Variants in GRIN2D observed in about 807,000 individuals in gnomAD.
The protein encoded by GRIN2D is glutamate receptor ionotropic, NMDA 2D.
In GRIN2D, 37 loss-of-function variants were observed where a neutral mutation model predicts 103.2. That is an observed-to-expected ratio of 0.36 (90% CI 0.28 to 0.47). The LOEUF is 0.47. Among genes scored for constraint, GRIN2D ranks in the 20% least tolerant of loss-of-function variants. The probability of loss-of-function intolerance (pLI) is 1.00; values close to 1 mark genes in which losing one functional copy is unlikely to be tolerated. For synonymous variants in GRIN2D, 845 were observed against 885.6 expected (o/e 0.95, Z 0.81); for missense variants, 1,557 against 1,910.6 (o/e 0.81, Z 3.45).
intron 11 of GRIN2D, among the ~76,000 whole-genome samples, chr19:48,438,183 T>C (rs773736638): frequency 1.1e-4 from 16 of 151,322 alleles, no homozygotes; most frequent in Admixed American, 3.3e-4. Context: ...TTTGGGGACA[T>C]AGGAGGACTT....
At chr19:48,434,649 G>A (rs751224431) in intron 11 of GRIN2D, among the ~76,000 whole-genome samples, 6 of 151,630 alleles carry the variant, frequency 4.0e-5, no homozygotes, top group Admixed American at 6.6e-5. Context: ...GCCCAGGCTG[G>A]TCTCAAACTC....
chr19:48,396,516 C>A (rs1970643453), intron 2 of GRIN2D, among the ~76,000 whole-genome samples: 1 of 140,966 alleles, frequency 7.1e-6, no homozygotes, highest in African/African-American at 2.7e-5. Flanking sequence ...GTTAACCCCG[C>A]GGGGGCCAGG....
intron 11 of GRIN2D, among the ~76,000 whole-genome samples, chr19:48,441,150 G>A (rs1279473751): frequency 6.7e-6 from 1 of 148,322 alleles, no homozygotes; most frequent in Non-Finnish European, 1.5e-5. Flanking sequence ...GGACCACAAG[G>A]ACAGGGGTTC....
Position 48,404,947 on chromosome 19 carries a change from G to A in GRIN2D, c.679G>A (p.Ala227Thr), listed in dbSNP as rs1970766470. ...HRGALTLDPG[A>T]GEAVLSAQLR... ...CGGAGCGCTGACGCTGGACCCTGGGGCGGGCGAGGCCGTGCTCAGTGCCCA... is the reference window on the plus strand; with the variant it reads ...CGGAGCGCTGACGCTGGACCCTGGGACGGGCGAGGCCGTGCTCAGTGCCCA... The change falls in exon 4 of 14, where the codon GCG becomes ACG. Residue 227 changes from alanine to threonine, a missense_variant. Coordinates refer to ENST00000263269, the MANE Select transcript of GRIN2D (RefSeq NM_000836.4). 1 of 1,612,834 alleles carries A rather than the reference G, an allele frequency of 6.2e-7. No homozygotes were observed. Among genetic ancestry groups the A allele is most frequent in the South Asian group, 1.1e-5 (1 of 91,024 alleles).
rs1600999091 is a variant in GRIN2D, at chr19:48,443,969, T to G, written c.*32T>G. On this transcript the variant is annotated 3_prime_UTR_variant, in exon 14 of 14. Coordinates refer to ENST00000263269, the MANE Select transcript of GRIN2D (RefSeq NM_000836.4). This position sits in a 1 kb window ranked among gnomAD's most constrained non-coding sequence, Gnocchi z 8.9. ...CCCGGGGGCCCCACCGCCCCCTTGG[T>G]CAGCGCAGGCCACGGCCCGAGGGGG... 7.4e-7 allele frequency: 1 copy of G among 1,347,328 alleles called. No individual in the cohort carries two copies. The highest frequency in any genetic ancestry group is 9.6e-7 in the Non-Finnish European group (1 of 1,042,946). 83.5% of individuals were successfully genotyped at this position (1,347,328 alleles called of 1,614,324 possible). A position where few individuals can be genotyped will look rare whatever the true frequency, so the allele number is the denominator to read the frequency against.
At chr19:48,416,373 T>TA (rs1239367977) in intron 8 of GRIN2D, among the ~76,000 whole-genome samples, 1 of 152,230 alleles carries the variant, frequency 6.6e-6, no homozygotes, top group Non-Finnish European at 1.5e-5. Context: ...ATCAAGAGGC[T>TA]AAAGAAGCTT....
intron 3 of GRIN2D, among the ~76,000 whole-genome samples, chr19:48,402,064 C>A (rs1970716120): frequency 6.6e-6 from 1 of 150,866 alleles, no homozygotes; most frequent in South Asian, 2.1e-4. Context: ...CTCGCCACTG[C>A]ATTCCAGCCT....
Position 48,394,589 on chromosome 19 carries a change from T to A in GRIN2D, c.-305-69T>A, listed in dbSNP as rs1214696927. 3.4e-5 allele frequency among the ~76,000 whole-genome samples: 5 copies of A among 146,004 alleles called. No homozygotes were observed. Among genetic ancestry groups the A allele is most frequent in the African/African-American group, 7.7e-5 (3 of 39,090 alleles). ...GCACCCCGGGTGGGCGGAGGGGGGA[T>A]CCCCACGGGGTCGGGGCGGCAAGAG... On this transcript the variant is annotated intron_variant, in intron 1 of 13. Coordinates refer to ENST00000263269, the MANE Select transcript of GRIN2D (RefSeq NM_000836.4). The surrounding 1 kb of genome is among the most constrained non-coding windows in gnomAD (Gnocchi z 5.1).
chr19:48,398,851 G>A lies in GRIN2D; in HGVS notation c.459G>A (p.Thr153=). Residue 153 remains threonine, a synonymous_variant, in exon 3 of 14, where the codon ACG becomes ACA. Transcript: ENST00000263269. ...AVHGGAALVL[T]PKEKGSTFLQ... ...ACGGCGGCGCCGCGCTCGTGCTCACGCCCAAGGTGCGCGCGACCGGGGCGG... is the reference window on the plus strand; with the variant it reads ...ACGGCGGCGCCGCGCTCGTGCTCACACCCAAGGTGCGCGCGACCGGGGCGG... 2.3e-6 allele frequency: 3 copies of A among 1,312,178 alleles called. No homozygotes were observed. Among genetic ancestry groups the A allele is most frequent in the Non-Finnish European group, 2.9e-6 (3 of 1,031,988 alleles). The allele number at this position is 1,312,178 out of a possible 1,614,324, so 81.3% of individuals were successfully genotyped here. A position where few individuals can be genotyped will look rare whatever the true frequency, so the allele number is the denominator to read the frequency against.
At chr19:48,420,206 A>G (rs1600982499) in intron 10 of GRIN2D, among the ~76,000 whole-genome samples, 1 of 151,924 alleles carries the variant, frequency 6.6e-6, no homozygotes, top group East Asian at 1.9e-4. Flanking sequence ...AGGCGGGCGG[A>G]TCACGAGGTC....
intron 11 of GRIN2D, among the ~76,000 whole-genome samples, chr19:48,426,224 C>CTTTCTTTTTTTTTTTTTTTTTTTTT (rs1555893889): frequency 8.3e-6 from 1 of 120,118 alleles, no homozygotes; most frequent in African/African-American, 3.6e-5. Context: ...TTCTTTCTTT[C>CTTTCTTTTTTTTTTTTTTTTTTTTT]TTTTTTTTTT....
intron 11 of GRIN2D, among the ~76,000 whole-genome samples, chr19:48,426,224 C>CTTTCTTTTTTTTTTT (rs1555893889): frequency 3.3e-5 from 4 of 120,088 alleles, no homozygotes; most frequent in African/African-American, 1.4e-4. Flanking sequence ...TTCTTTCTTT[C>CTTTCTTTTTTTTTTT]TTTTTTTTTT....
chr19:48,427,907 G>C (rs1387341760), intron 11 of GRIN2D, among the ~76,000 whole-genome samples: 1 of 152,030 alleles, frequency 6.6e-6, no homozygotes, highest in East Asian at 1.9e-4. Context: ...AGTCCTGGAG[G>C]CTAGGCATCC....
At chr19:48,416,212 C>A in intron 8 of GRIN2D, 57 bp downstream of exon 8, 1 of 1,508,780 alleles carries the variant, frequency 6.6e-7, no homozygotes, top group Non-Finnish European at 9.1e-7. Flanking sequence ...CGTCCCCAAC[C>A]GTGTGGGCCC....
In GRIN2D at chr19:48,419,338, C is replaced by G. The variant is rs1569065648; in HGVS notation, c.1840C>G (p.Arg614Gly). Residue 614 changes from arginine (R) to glycine (G), a missense_variant, in exon 9 of 14, where the codon CGC becomes GGC. Physicochemically the swap from Arg to Gly is moderately radical, Grantham distance 125. Transcript: ENST00000263269. ...GTACCTCAGTCCTGTTGGTTACAAC[C>G]GCAGCCTGGCCACGGGCAAGCGTGA... ...FEYLSPVGYN[R>G]SLATGKRPGG... 1 of 1,605,774 alleles carries G rather than the reference C, an allele frequency of 6.2e-7. No homozygotes were observed. The highest frequency in any genetic ancestry group is 2.2e-5 in the East Asian group (1 of 44,824).
At chr19:48,402,683 G>T (rs1970731128) in intron 3 of GRIN2D, among the ~76,000 whole-genome samples, 1 of 139,568 alleles carries the variant, frequency 7.2e-6, no homozygotes, top group African/African-American at 2.6e-5. Flanking sequence ...CGCCACTGCG[G>T]TCCGCAGTCC....
At chr19:48,431,378 A>T (rs1971153207) in intron 11 of GRIN2D, among the ~76,000 whole-genome samples, 1 of 152,158 alleles carries the variant, frequency 6.6e-6, no homozygotes, top group Non-Finnish European at 1.5e-5. Context: ...TACTTGATGG[A>T]CAGTCAGGCT....
Position 48,444,348 on chromosome 19 carries a change from C to G in GRIN2D, c.*411C>G, listed in dbSNP as rs1486325736. Reference sequence around the variant, plus strand: ...GGGAAGCCCGTTTTTAACCTTTCATCCATTGGGACTCAAAACTGTGAGACG... The same window carrying G: ...GGGAAGCCCGTTTTTAACCTTTCATGCATTGGGACTCAAAACTGTGAGACG... On this transcript the variant is annotated 3_prime_UTR_variant, in exon 14 of 14. Coordinates refer to ENST00000263269, the MANE Select transcript of GRIN2D (RefSeq NM_000836.4). This position sits in a 1 kb window ranked among gnomAD's most constrained non-coding sequence, Gnocchi z 5.5. The G allele has an allele frequency of 6.2e-6, 1 of 161,828 alleles. No individual in the cohort carries two copies. Among genetic ancestry groups the G allele is most frequent in the Non-Finnish European group, 1.3e-5 (1 of 74,576 alleles). 10.0% of individuals were successfully genotyped at this position (161,828 alleles called of 1,614,324 possible).
chr19:48,405,759 C>T lies in GRIN2D; in HGVS notation c.1085+406C>T, dbSNP rs1298231098. On this transcript the variant is annotated intron_variant, in intron 4 of 13. Transcript: ENST00000263269. This position sits in a 1 kb window ranked among gnomAD's most constrained non-coding sequence, Gnocchi z 5.1. Reference sequence around the variant, plus strand: ...CTGAGCTTCAGTAGCAAAAAAGACCCAACAATCCAGTGGCCCAGATGAGGT... The same window carrying T: ...CTGAGCTTCAGTAGCAAAAAAGACCTAACAATCCAGTGGCCCAGATGAGGT... 6.6e-6 allele frequency among the ~76,000 whole-genome samples: 1 copy of T among 152,078 alleles called. No individual in the cohort carries two copies. The highest frequency in any genetic ancestry group is 2.4e-5 in the African/African-American group (1 of 41,420).
Sources: allele counts gnomAD v4.1 joint callset (sites outside exome capture counted in the v4.1 genomes callset), GRCh38; gene constraint gnomAD v4.1.1; non-coding constraint Gnocchi (gnomAD v3.1); transcripts MANE v1.5; gene names NCBI Gene and HGNC (gene_info 2026-07-23, HGNC 2026-07-21).